TIAM1: variants seen among roughly 807,000 people sequenced by gnomAD.
The protein encoded by TIAM1 is TIAM Rac1 associated GEF 1, also known as rho guanine nucleotide exchange factor TIAM1.
A neutral mutation model predicts 163.5 loss-of-function variants in TIAM1; 65 were observed. That is an observed-to-expected ratio of 0.40 (90% confidence interval 0.33 to 0.49). The LOEUF is 0.49. TIAM1 is among the 20% of genes least tolerant of loss of function. The pLI is 0.77. For synonymous variants in TIAM1, 833 were observed against 810.1 expected, an observed-to-expected ratio of 1.03 and a Z score of -0.48; for missense variants, 1,789 against 2,044.7, an observed-to-expected ratio of 0.87 and a Z score of 2.41.
intron 2 of TIAM1, among the ~76,000 whole-genome samples, chr21:31,443,466 G>A (rs943948381): frequency 6.6e-5 from 10 of 152,168 alleles, no homozygotes; most frequent in Non-Finnish European, 7.3e-5. Flanking sequence ...TTTTTTAAAC[G>A]TTATCATGCA....
chr21:31,383,122 C>G (rs2076806963), intron 2 of TIAM1, among the ~76,000 whole-genome samples: 2 of 152,052 alleles, frequency 1.3e-5, no homozygotes, highest in South Asian at 2.1e-4. Flanking sequence ...CACCTGTAAT[C>G]CCAGCTACTC....
chr21:31,220,067 C>T (rs186177770), intron 8 of TIAM1, among the ~76,000 whole-genome samples: 1 of 152,300 alleles, frequency 6.6e-6, no homozygotes, highest in Non-Finnish European at 1.5e-5. Flanking sequence ...CATTTGGCCT[C>T]ACAGTCATAT....
intron 6 of TIAM1, among the ~76,000 whole-genome samples, chr21:31,234,308 G>C (rs1171514958): frequency 7.4e-6 from 1 of 135,376 alleles, no homozygotes; most frequent in Non-Finnish European, 1.5e-5. Context: ...AGACTGAAAA[G>C]AGAGCAGGAG....
chr21:31,210,802 G>GAA (rs1456839043), intron 10 of TIAM1, among the ~76,000 whole-genome samples: 1 of 145,124 alleles, frequency 6.9e-6, no homozygotes, highest in East Asian at 1.9e-4. Context: ...AAGAAAGAAA[G>GAA]AAAGAAAGAA....
intron 1 of TIAM1, among the ~76,000 whole-genome samples, chr21:31,492,061 G>A (rs1392182263): frequency 6.7e-6 from 1 of 148,806 alleles, no homozygotes; most frequent in African/African-American, 2.5e-5. Context: ...ATATATATAT[G>A]TGATGTGTGT....
At chr21:31,482,232 A>G (rs2046136905) in intron 1 of TIAM1, among the ~76,000 whole-genome samples, 1 of 151,614 alleles carries the variant, frequency 6.6e-6, no homozygotes, top group East Asian at 1.9e-4. Context: ...GCTCACTGCA[A>G]CCTCCATCTC....
chr21:31,238,264 G>A (rs556281601), intron 6 of TIAM1, among the ~76,000 whole-genome samples: 7 of 152,302 alleles, frequency 4.6e-5, no homozygotes, highest in African/African-American at 1.7e-4. Flanking sequence ...TGATTCGGCT[G>A]CTCCAGAGTT....
intron 2 of TIAM1, among the ~76,000 whole-genome samples, chr21:31,430,288 T>A (rs1412950376): frequency 1.4e-5 from 2 of 142,152 alleles, no homozygotes; most frequent in Non-Finnish European, 3.0e-5. Context: ...ATATATATAT[T>A]GCACAGTGGG....
At chr21:31,383,783 G>A (rs997084368) in intron 2 of TIAM1, among the ~76,000 whole-genome samples, 4 of 152,156 alleles carry the variant, frequency 2.6e-5, no homozygotes, top group African/African-American at 7.2e-5. Flanking sequence ...AATGAAAAGC[G>A]AGCTCATTAC....
At chr21:31,307,278 A>T (rs1294083488) in intron 2 of TIAM1, among the ~76,000 whole-genome samples, 1 of 152,148 alleles carries the variant, frequency 6.6e-6, no homozygotes, top group Non-Finnish European at 1.5e-5. Flanking sequence ...TCCTCACCAG[A>T]GTATCCACAC....
intron 4 of TIAM1, among the ~76,000 whole-genome samples, chr21:31,261,540 T>C (rs2072476409): frequency 6.6e-6 from 1 of 152,034 alleles, no homozygotes; most frequent in African/African-American, 2.4e-5. Flanking sequence ...GGTGAAACCC[T>C]GTTTCTACTA....
intron 7 of TIAM1, among the ~76,000 whole-genome samples, chr21:31,224,957 T>A (rs2087852849): frequency 6.6e-6 from 1 of 152,168 alleles, no homozygotes; most frequent in African/African-American, 2.4e-5. Context: ...TGAAATATAC[T>A]TATGCACATA....
intron 2 of TIAM1, among the ~76,000 whole-genome samples, chr21:31,303,423 G>C (rs1418389134): frequency 6.6e-6 from 1 of 152,176 alleles, no homozygotes; most frequent in Non-Finnish European, 1.5e-5. Flanking sequence ...AAGGCCAACA[G>C]GATGCGGGAA....
At chr21:31,124,466 G>A (rs1257484477) in intron 27 of TIAM1, 56 bp downstream of exon 27, 4 of 1,603,694 alleles carry the variant, frequency 2.5e-6, no homozygotes, top group Non-Finnish European at 3.4e-6. Context: ...GCTCACTGGA[G>A]TTCTACTGCG....
chr21:31,345,812 C>T (rs772753985), upstream of TIAM1, among the ~76,000 whole-genome samples: 2 of 151,916 alleles, frequency 1.3e-5, no homozygotes, highest in Non-Finnish European at 2.9e-5. Context: ...TAGCCAGGCA[C>T]GGTGGTGTGT....
chr21:31,554,902 CAG>C (rs1272557305), intron 1 of TIAM1, among the ~76,000 whole-genome samples: 1 of 152,150 alleles, frequency 6.6e-6, no homozygotes, highest in Non-Finnish European at 1.5e-5. Flanking sequence ...CCCATGCCCA[CAG>C]TCTAGGCCCT....
chr21:31,217,602 C>CTA lies in TIAM1; in HGVS notation c.2092_2093insTA (p.Gly698ValfsTer27). On this transcript the variant is annotated frameshift_variant, in exon 9 of 28. Coordinates refer to ENST00000541036, the MANE Select transcript of TIAM1 (RefSeq NM_001353694.2). LOFTEE classifies it high-confidence loss of function. ...CTTCTTTTTGGAGGTAGTATCCAGA[C>CTA]CCCACAGAGAAGAAAACCTGCTCCT... 1 of 1,614,120 alleles carries CTA rather than the reference C, an allele frequency of 6.2e-7. No individual in the cohort carries two copies. The highest frequency in any genetic ancestry group is 1.7e-5 in the Admixed American group (1 of 60,004).
At chr21:31,544,220 A>T (rs1055506539) in intron 1 of TIAM1, among the ~76,000 whole-genome samples, 1 of 151,242 alleles carries the variant, frequency 6.6e-6, no homozygotes, top group African/African-American at 2.4e-5. Context: ...AATAAATAAT[A>T]AATAAATAAA....
At chr21:31,533,398 C>A (rs943392067) in intron 1 of TIAM1, among the ~76,000 whole-genome samples, 1 of 152,130 alleles carries the variant, frequency 6.6e-6, no homozygotes, top group Non-Finnish European at 1.5e-5. Context: ...AATTTCATAA[C>A]CTATTTTATT....
Sources: allele counts gnomAD v4.1 joint callset (sites outside exome capture counted in the v4.1 genomes callset), GRCh38; gene constraint gnomAD v4.1.1; transcripts MANE v1.5; gene names NCBI Gene and HGNC (gene_info 2026-07-23, HGNC 2026-07-21).